The following KRTAP10-1 variants were observed in gnomAD, a reference collection of about 807,000 sequenced individuals.
KRTAP10-1 encodes the protein keratin associated protein 10-1, also known as keratin-associated protein 10-1.
For synonymous variants in KRTAP10-1, 155 were observed against 153.3 expected (o/e 1.01, Z -0.08); for missense variants, 364 against 369.2 (o/e 0.99, Z 0.12).
Position 44,539,704 on chromosome 21 carries a change from A to G in KRTAP10-1, c.447T>C (p.Pro149=), listed in dbSNP as rs587639365. 2.9e-5 allele frequency: 47 copies of G among 1,595,274 alleles called. No homozygotes were observed. Among genetic ancestry groups the G allele is most frequent in the Admixed American group, 1.2e-4 (7 of 57,300 alleles). The change falls in exon 1 of 1, where the codon CCT becomes CCC. Residue 149 remains proline, a synonymous_variant. Coordinates refer to ENST00000400375, the MANE Select transcript of KRTAP10-1 (RefSeq NM_198691.3). ...CAGAGCAGGTGGGCACATAGCACACAGGCTTGCAGCAAACAGGCACACAGC... is the reference window on the plus strand; with the variant it reads ...CAGAGCAGGTGGGCACATAGCACACGGGCTTGCAGCAAACAGGCACACAGC... ...QSCCVPVCCK[P]VCYVPTCSED...
chr21:44,539,867 C>G lies in KRTAP10-1; in HGVS notation c.284G>C (p.Cys95Ser). The change falls in exon 1 of 1, where the codon TGC (cysteine) becomes TCC (serine). Residue 95 changes from cysteine (C) to serine (S), a missense_variant. By Grantham distance (112) the Cys-to-Ser change is moderately radical. Transcript: ENST00000400375. The part of the protein sequence containing the change: ...CQPACCTSSP[C>S]QQACCVPVCC... ...GACGGGCACGCAGCAGGCCTGCTGG[C>G]AGGGGGAGGAGGTGCAGCAAGCCGG... The G allele has an allele frequency of 6.3e-7, 1 of 1,578,112 alleles. No homozygotes were observed. Among genetic ancestry groups the G allele is most frequent in the Non-Finnish European group, 8.6e-7 (1 of 1,160,106 alleles).
rs1284593285 is a variant in KRTAP10-1, at chr21:44,539,293, G to C, written c.*9C>G. ...ATCAGCAGCTGGACTCCTGGCCTGAGCAGAGGCCTCAGCAGGCCGGGCGGG... is the reference window on the plus strand; with the variant it reads ...ATCAGCAGCTGGACTCCTGGCCTGACCAGAGGCCTCAGCAGGCCGGGCGGG... On this transcript the variant is annotated 3_prime_UTR_variant, in exon 1 of 1. Coordinates refer to ENST00000400375, the MANE Select transcript of KRTAP10-1 (RefSeq NM_198691.3). 16 of 1,606,746 alleles carry C rather than the reference G, an allele frequency of 1.0e-5. No homozygotes were observed. The highest frequency in any genetic ancestry group is 1.2e-5 in the Non-Finnish European group (14 of 1,176,792).
Position 44,539,083 on chromosome 21 carries a change from G to A in KRTAP10-1, c.*219C>T, listed in dbSNP as rs1344925261. The A allele has an allele frequency of 1.5e-5, 11 of 743,548 alleles. No homozygotes were observed. In the African/African-American group the frequency reaches 1.6e-4, roughly 11 times the overall value. 46.1% of individuals were successfully genotyped at this position (743,548 alleles called of 1,614,324 possible). ...CAGAGAAGCTGGGAGGGAGGACAGG[G>A]GACCTAGCAGGCAGGTGGGCACCTG... On this transcript the variant is annotated 3_prime_UTR_variant, in exon 1 of 1. Transcript: ENST00000400375.
rs587609636 is a variant in KRTAP10-1 at position 44,539,766 on chromosome 21, G to A, written c.385C>T (p.Pro129Ser). 33 of 1,612,672 alleles carry A rather than the reference G, an allele frequency of 2.0e-5. No homozygotes were observed. The Admixed American group carries it at 5.2e-4, about 25-fold the overall frequency. Residue 129 changes from proline (P) to serine (S), a missense_variant, in exon 1 of 1, where the codon CCA becomes TCA. Pro to Ser is a moderately conservative substitution (Grantham distance 74, BLOSUM62 -1). Transcript: ENST00000400375. ...CTGGAGGAAGAGGCACAGCAAGTTG[G>A]CTGGCAGCTAGACTGCTGGCAGCAT... ...SSCCQQSSCQPTCCASSSSQQ... is the reference protein window; with the variant it reads ...SSCCQQSSCQSTCCASSSSQQ...
At position 44,539,109 on chromosome 21, in the gene KRTAP10-1, C is replaced by T. The variant is rs2053150340; in HGVS notation, c.*193G>A. The T allele has an allele frequency of 4.0e-6, 4 of 1,002,434 alleles. No individual in the cohort carries two copies. Among genetic ancestry groups the T allele is most frequent in the Non-Finnish European group, 4.2e-6 (3 of 710,364 alleles). The allele number at this position is 1,002,434 out of a possible 1,614,324, so 62.1% of individuals were successfully genotyped here. A position where few individuals can be genotyped will look rare whatever the true frequency, so the allele number is the denominator to read the frequency against. On this transcript the variant is annotated 3_prime_UTR_variant, in exon 1 of 1. Coordinates refer to ENST00000400375, the MANE Select transcript of KRTAP10-1 (RefSeq NM_198691.3). The stretch of plus-strand genomic sequence containing the variant: ...GACCTAGCAGGCAGGTGGGCACCTG[C>T]TGGAAGGCAAGAGCTGGGGAGCTGC...
chr21:44,539,015 A>G lies in KRTAP10-1; in HGVS notation c.*287T>C. On this transcript the variant is annotated 3_prime_UTR_variant, in exon 1 of 1. Coordinates refer to ENST00000400375, the MANE Select transcript of KRTAP10-1 (RefSeq NM_198691.3). ...CAAGGAGAGTTTATTGGGGAGCAGG[A>G]GGAGGTGCTGAGAGGTTCAAGTCGA... 1.8e-6 allele frequency: 1 copy of G among 569,562 alleles called. No homozygotes were observed. The highest frequency in any genetic ancestry group is 3.1e-6 in the Non-Finnish European group (1 of 321,102). The allele number at this position is 569,562 out of a possible 1,614,324, so 35.3% of individuals were successfully genotyped here.
In KRTAP10-1 at chr21:44,540,184, G is replaced by C; in HGVS notation, c.-34C>G. On this transcript the variant is annotated 5_prime_UTR_variant, in exon 1 of 1. Coordinates refer to ENST00000400375, the MANE Select transcript of KRTAP10-1 (RefSeq NM_198691.3). ...GGGGAGGAGGTGAGCTGCGGGAGGT[G>C]TGAGTGAGTGAGTGTGGGAGTCAGT... 4 of 1,592,014 alleles carry C rather than the reference G, an allele frequency of 2.5e-6. No homozygotes were observed. The highest frequency in any genetic ancestry group is 3.4e-6 in the Non-Finnish European group (4 of 1,167,748).
Position 44,539,443 on chromosome 21 carries a change from G to A in KRTAP10-1, c.708C>T (p.Cys236=), listed in dbSNP as rs1555916834. The A allele has an allele frequency of 6.2e-7, 1 of 1,613,084 alleles. No individual in the cohort carries two copies. The highest frequency in any genetic ancestry group is 1.7e-4 in the Middle Eastern group (1 of 5,918). ...AGCAGGCGGGCCGGCATACAGGGCG[G>A]CAGAGGAGGGACACGGAGGAGGAGG... ...CRPSSSVSLL[C]RPVCRPACCM... is the part of the protein sequence containing the mutation. The change falls in exon 1 of 1, where the codon TGC becomes TGT. Residue 236 remains cysteine, a synonymous_variant. Transcript: ENST00000400375.
In KRTAP10-1 at chr21:44,539,219, A is replaced by T; in HGVS notation, c.*83T>A. ...GGACCCGTCCTAGGTGGGGGAAGCC[A>T]CCTAACCCAGGTCAGGAACTGAGCC... On this transcript the variant is annotated 3_prime_UTR_variant, in exon 1 of 1. Coordinates refer to ENST00000400375, the MANE Select transcript of KRTAP10-1 (RefSeq NM_198691.3). The T allele has an allele frequency of 6.4e-7, 1 of 1,552,304 alleles. No individual in the cohort carries two copies. The highest frequency in any genetic ancestry group is 8.7e-7 in the Non-Finnish European group (1 of 1,154,928).
At position 44,539,124 on chromosome 21, in the gene KRTAP10-1, TG is replaced by T; in HGVS notation, c.*177del. 8.9e-7 allele frequency: 1 copy of T among 1,117,926 alleles called. No homozygotes were observed. Among genetic ancestry groups the T allele is most frequent in the Non-Finnish European group, 1.2e-6 (1 of 811,640 alleles). 69.3% of individuals were successfully genotyped at this position (1,117,926 alleles called of 1,614,324 possible). On this transcript the variant is annotated 3_prime_UTR_variant, in exon 1 of 1. Coordinates refer to ENST00000400375, the MANE Select transcript of KRTAP10-1 (RefSeq NM_198691.3). ...TGGGCACCTGCTGGAAGGCAAGAGC[TG>T]GGGAGCTGCAAGGATGGAGGCTCCT... is the stretch of plus-strand genomic sequence containing the variant.
In KRTAP10-1 at chr21:44,539,133, G is replaced by T. The variant is rs1452902393; in HGVS notation, c.*169C>A. The T allele has an allele frequency of 2.7e-5, 33 of 1,212,942 alleles. No individual in the cohort carries two copies. The highest frequency in any genetic ancestry group is 2.8e-4 in the Middle Eastern group (1 of 3,524). The allele number at this position is 1,212,942 out of a possible 1,614,324, so 75.1% of individuals were successfully genotyped here. A position where few individuals can be genotyped will look rare whatever the true frequency, so the allele number is the denominator to read the frequency against. On this transcript the variant is annotated 3_prime_UTR_variant, in exon 1 of 1. Coordinates refer to ENST00000400375, the MANE Select transcript of KRTAP10-1 (RefSeq NM_198691.3). ...GCTGGAAGGCAAGAGCTGGGGAGCT[G>T]CAAGGATGGAGGCTCCTGGGAGCAA... is the stretch of plus-strand genomic sequence containing the variant.
rs782639536 is a variant in KRTAP10-1 at position 44,539,904 on chromosome 21, A to G, written c.247T>C (p.Ser83Pro). 1.3e-5 allele frequency: 21 copies of G among 1,613,862 alleles called. No individual in the cohort carries two copies. The South Asian group carries it at 2.2e-4, about 17-fold the overall frequency. Residue 83 changes from serine to proline, a missense_variant, in exon 1 of 1, where the codon TCT (serine) becomes CCT (proline). By Grantham distance (74) the Ser-to-Pro change is moderately conservative. Transcript: ENST00000400375. ...SSCTPSCCQQ[S>P]SCQPACCTSS... ...GTGCAGCAAGCCGGCTGGCAGCTAG[A>G]CTGCTGGCAGCACGAGGGCGTGCAG...
In KRTAP10-1 at chr21:44,539,275, G is replaced by A. The variant is rs781905558; in HGVS notation, c.*27C>T. On this transcript the variant is annotated 3_prime_UTR_variant, in exon 1 of 1. Coordinates refer to ENST00000400375, the MANE Select transcript of KRTAP10-1 (RefSeq NM_198691.3). ...GGCCCAGGGCGGGTGCCCATCAGCA[G>A]CTGGACTCCTGGCCTGAGCAGAGGC... 24 of 1,599,940 alleles carry A rather than the reference G, an allele frequency of 1.5e-5. No individual in the cohort carries two copies. Among genetic ancestry groups the A allele is most frequent in the Middle Eastern group, 1.8e-4 (1 of 5,612 alleles).
chr21:44,539,245 C>T lies in KRTAP10-1; in HGVS notation c.*57G>A. ...CCTAACCCAGGTCAGGAACTGAGCC[C>T]AGCTGGCCCAGGGCGGGTGCCCATC... is the stretch of plus-strand genomic sequence containing the variant. On this transcript the variant is annotated 3_prime_UTR_variant, in exon 1 of 1. Coordinates refer to ENST00000400375, the MANE Select transcript of KRTAP10-1 (RefSeq NM_198691.3). The T allele has an allele frequency of 6.3e-7, 1 of 1,578,812 alleles. No individual in the cohort carries two copies. The highest frequency in any genetic ancestry group is 1.2e-5 in the South Asian group (1 of 84,770).
chr21:44,539,369 C>G lies in KRTAP10-1; in HGVS notation c.782G>C (p.Ser261Thr). Residue 261 changes from serine to threonine, a missense_variant, in exon 1 of 1, where the codon AGC (serine) becomes ACC (threonine). Physicochemically the swap from Ser to Thr is moderately conservative, Grantham distance 58 (BLOSUM62 1). Coordinates refer to ENST00000400375, the MANE Select transcript of KRTAP10-1 (RefSeq NM_198691.3). Reference protein sequence around the residue: ...CCAPASSCQASCCRPASCVSL... With the variant: ...CCAPASSCQATCCRPASCVSL... ...CACGCAGGAGGCCGGGCGGCAGCAG[C>G]TGGCCTGGCAGGAGGAGGCAGGGGC... 1 of 1,612,602 alleles carries G rather than the reference C, an allele frequency of 6.2e-7. No individual in the cohort carries two copies. Among genetic ancestry groups the G allele is most frequent in the Non-Finnish European group, 8.5e-7 (1 of 1,179,428 alleles).
Position 44,539,600 on chromosome 21 carries a change from C to T in KRTAP10-1, c.551G>A (p.Cys184Tyr), listed in dbSNP as rs368412664. 145 of 1,613,462 alleles carry T rather than the reference C, an allele frequency of 9.0e-5. No homozygotes were observed. In the African/African-American group the frequency reaches 1.3e-3, roughly 15 times the overall value. The change falls in exon 1 of 1, where the codon TGC becomes TAC. Residue 184 changes from cysteine to tyrosine, a missense_variant. Cys to Tyr is a radical substitution (Grantham distance 194). Coordinates refer to ENST00000400375, the MANE Select transcript of KRTAP10-1 (RefSeq NM_198691.3). ...CTSSPCQQAC[C>Y]VPVRCKPVCC... ...GACAGGCTTGCAACGGACGGGCACG[C>T]AGCAGGCCTGCTGGCAGGGGGAGGA...
Position 44,539,956 on chromosome 21 carries a change from G to A in KRTAP10-1, c.195C>T (p.Ser65=). Residue 65 remains serine (S), a synonymous_variant, in exon 1 of 1, where the codon AGC becomes AGT. Transcript: ENST00000400375. The stretch of plus-strand genomic sequence containing the variant: ...AGCTGGTGCAGCCTGATTGGCAGGG[G>A]CTGGGCTCACAGGCTGCCTGGCAGC... ...SPCCQAACEP[S]PCQSGCTSSC... 2 of 1,613,546 alleles carry A rather than the reference G, an allele frequency of 1.2e-6. No homozygotes were observed. Among genetic ancestry groups the A allele is most frequent in the South Asian group, 1.1e-5 (1 of 91,050 alleles).
rs1352538548 is a variant in KRTAP10-1, at chr21:44,540,101, C to CA, written c.49dup (p.Trp17LeufsTer12). 1 of 1,613,648 alleles carries CA rather than the reference C, an allele frequency of 6.2e-7. No individual in the cohort carries two copies. The highest frequency in any genetic ancestry group is 8.5e-7 in the Non-Finnish European group (1 of 1,179,942). ...GCTCTCTGGGCAGGCATCCACCTGC[C>CA]AGGAGTCGGAGCAAGCGCTGGAGCA... On this transcript the variant is annotated frameshift_variant, in exon 1 of 1. Coordinates refer to ENST00000400375, the MANE Select transcript of KRTAP10-1 (RefSeq NM_198691.3). LOFTEE classifies it low-confidence loss of function (END_TRUNC).
rs200660526 is a variant in KRTAP10-1, at chr21:44,539,393, G to T, written c.758C>A (p.Ala253Asp). The T allele has an allele frequency of 3.7e-6, 6 of 1,601,678 alleles. No individual in the cohort carries two copies. The highest frequency in any genetic ancestry group is 5.1e-6 in the Non-Finnish European group (6 of 1,170,008). The change falls in exon 1 of 1, where the codon GCC (alanine) becomes GAC (aspartate). Residue 253 changes from alanine to aspartate, a missense_variant. Physicochemically the swap from Ala to Asp is moderately radical, Grantham distance 126. Transcript: ENST00000400375. ...GCTGGCCTGGCAGGAGGAGGCAGGG[G>T]CACAGCAGGAGGAGACAGGCATACA... ...ACCMPVSSCCAPASSCQASCC... is the reference protein window; with the variant it reads ...ACCMPVSSCCDPASSCQASCC...
Sources: allele counts gnomAD v4.1 joint callset, GRCh38; gene constraint gnomAD v4.1.1; transcripts MANE v1.5; gene names NCBI Gene and HGNC (gene_info 2026-07-23, HGNC 2026-07-21).